The following TECR variants were observed in gnomAD, a reference collection of about 807,000 sequenced individuals.
TECR encodes the protein very-long-chain enoyl-CoA reductase.
A neutral mutation model predicts 50.6 loss-of-function variants in TECR; 19 were observed. That is an observed-to-expected ratio of 0.38 (90% CI 0.26 to 0.55). The LOEUF (loss-of-function observed/expected upper bound fraction) is 0.55. Among genes scored for constraint, TECR ranks in the 20% least tolerant of loss-of-function variants. The pLI, the probability that TECR is intolerant of heterozygous loss-of-function variation, is 0.79. For synonymous variants in TECR, 168 were observed against 163.5 expected, an observed-to-expected ratio of 1.03 and a Z score of -0.21; for missense variants, 313 against 408.3, an observed-to-expected ratio of 0.77 and a Z score of 2.01.
At position 14,564,771 on chromosome 19, in the gene TECR, C is replaced by T. The variant is rs779722244; in HGVS notation, c.490-15C>T. 1.6e-5 allele frequency: 26 copies of T among 1,612,180 alleles called. No individual in the cohort carries two copies. Among genetic ancestry groups the T allele is most frequent in the Non-Finnish European group, 2.2e-5 (26 of 1,178,926 alleles). ...GTGCTGGCCCAAGTCCCATCCCTGC[C>T]CTGCTCCCTTTCAGAACTGCACCTA... is the stretch of plus-strand genomic sequence containing the variant. On this transcript the variant is annotated splice_polypyrimidine_tract_variant and intron_variant, in intron 7 of 12. Transcript: ENST00000215567.
In TECR at chr19:14,543,445, T is replaced by A. The variant is rs1358244995; in HGVS notation, c.15+13734T>A. Among the ~76,000 whole-genome samples, 28 of 57,650 alleles carry A rather than the reference T, an allele frequency of 4.9e-4. 2 individuals are homozygous for A. Among genetic ancestry groups the A allele is most frequent in the Non-Finnish European group, 7.7e-4 (21 of 27,240 alleles). 37.8% of individuals were successfully genotyped at this position (57,650 alleles called of 152,430 possible). ...TTTTTTTTTTTTTTTTTTTTTTTTT[T>A]TTTTTTTTTTTGAGACGGAGTCTCG... On this transcript the variant is annotated intron_variant, in intron 1 of 12. Coordinates refer to ENST00000215567, the MANE Select transcript of TECR (RefSeq NM_138501.6).
intron 1 of TECR, among the ~76,000 whole-genome samples, chr19:14,548,616 C>T (rs146713576): frequency 5.5e-4 from 84 of 152,210 alleles, no homozygotes; most frequent in African/African-American, 2.6e-4. Context: ...TTTGCACTGT[C>T]GCCCAGGCTG....
intron 1 of TECR, among the ~76,000 whole-genome samples, chr19:14,548,598 G>T (rs1449996965): frequency 2.6e-5 from 4 of 152,094 alleles, no homozygotes; most frequent in Non-Finnish European, 5.9e-5. Context: ...TTCTTTTAGA[G>T]ACGGAGTTTT....
intron 1 of TECR, among the ~76,000 whole-genome samples, chr19:14,537,333 G>A (rs1189938056): frequency 1.3e-5 from 2 of 151,688 alleles, no homozygotes; most frequent in Non-Finnish European, 2.9e-5. Context: ...GGGACGGGAT[G>A]AGTGGTGGGC....
chr19:14,559,870 CCT>C (rs1482637091), intron 1 of TECR, among the ~76,000 whole-genome samples: 4 of 152,140 alleles, frequency 2.6e-5, no homozygotes, highest in African/African-American at 9.7e-5. Context: ...GCCTTTCAGT[CCT>C]CTCTCTAGGA....
intron 1 of TECR, among the ~76,000 whole-genome samples, chr19:14,537,206 G>A (rs1404995551): frequency 1.6e-5 from 2 of 127,352 alleles, no homozygotes; most frequent in Admixed American, 8.2e-5. Flanking sequence ...GAGGAGGTGG[G>A]GCTCAGGAGG....
chr19:14,532,046 C>G (rs2072691298), intron 1 of TECR: 1 of 149,876 alleles, frequency 6.7e-6, no homozygotes, highest in African/African-American at 2.5e-5. Context: ...CCATGTCCAG[C>G]TTGAAACATG....
chr19:14,530,100 G>C (rs2072570740), intron 1 of TECR: 1 of 346,012 alleles, frequency 2.9e-6, no homozygotes, highest in Non-Finnish European at 5.6e-6. Context: ...CGTCACCAGC[G>C]TAGGAAGGGG....
At chr19:14,561,065 C>T (rs1042354061) in intron 1 of TECR, among the ~76,000 whole-genome samples, 1 of 152,174 alleles carries the variant, frequency 6.6e-6, no homozygotes, top group African/African-American at 2.4e-5. Flanking sequence ...ACCAAGCCCC[C>T]TTGTCTCCCG....
intron 1 of TECR, among the ~76,000 whole-genome samples, chr19:14,539,140 ATTTTTTTTTTTT>A (rs57801378): frequency 1.0e-3 from 96 of 92,550 alleles, no homozygotes; most frequent in African/African-American, 3.9e-3. Flanking sequence ...CGCCCGGCTA[ATTTTTTTTTTTT>A]TTTTTTTTTT....
intron 1 of TECR, among the ~76,000 whole-genome samples, chr19:14,549,196 C>T (rs1301664891): frequency 1.3e-5 from 2 of 149,742 alleles, no homozygotes; most frequent in African/African-American, 2.5e-5. Context: ...ATTATTTCCA[C>T]AACCTTTAAT....
At chr19:14,551,944 T>C (rs1453047019) in intron 1 of TECR, among the ~76,000 whole-genome samples, 5 of 39,714 alleles carry the variant, frequency 1.3e-4, no homozygotes, top group Non-Finnish European at 1.9e-4. Flanking sequence ...TCTCCCTCCC[T>C]CCCTCTCTCT....
intron 1 of TECR, 146 bp from the exon 2 acceptor site, chr19:14,562,379 G>T (rs1375768368): frequency 3.6e-6 from 3 of 821,984 alleles, no homozygotes; most frequent in Non-Finnish European, 6.2e-6. Context: ...CGAGTGGCAG[G>T]GCTGGTGGCA....
At chr19:14,528,253 T>C (rs961267437), upstream of TECR, among the ~76,000 whole-genome samples, 15 of 100,420 alleles carry the variant, frequency 1.5e-4, no homozygotes, top group African/African-American at 5.6e-4. Context: ...TTCTTTTTTC[T>C]TTTTTTTTTT....
At chr19:14,535,439 G>A (rs554801072) in intron 1 of TECR, among the ~76,000 whole-genome samples, 1 of 142,674 alleles carries the variant, frequency 7.0e-6, no homozygotes, top group Non-Finnish European at 1.5e-5. Context: ...CCCGGGAGGC[G>A]GAGCTTGCAG....
chr19:14,561,109 C>G (rs1189885675), intron 1 of TECR, among the ~76,000 whole-genome samples: 1 of 152,162 alleles, frequency 6.6e-6, no homozygotes, highest in Non-Finnish European at 1.5e-5. Flanking sequence ...GGGTACCCAG[C>G]TTCTCTGGCT....
chr19:14,529,569 AGGGGC>A (rs980459706), upstream of TECR: 1 of 1,441,340 alleles, frequency 6.9e-7, no homozygotes, highest in Non-Finnish European at 9.7e-7. Flanking sequence ...CGCGGCCTGG[AGGGGC>A]GGGGCGGACG....
intron 1 of TECR, among the ~76,000 whole-genome samples, chr19:14,537,604 C>T (rs1209031565): frequency 6.6e-6 from 1 of 152,180 alleles, no homozygotes; most frequent in Non-Finnish European, 1.5e-5. Context: ...TGGTCAAGTT[C>T]AGGCTGGGTC....
chr19:14,553,081 G>C (rs192865363), intron 1 of TECR, among the ~76,000 whole-genome samples: 1 of 152,184 alleles, frequency 6.6e-6, no homozygotes, highest in African/African-American at 2.4e-5. Context: ...ACTTCCCACT[G>C]TGTTTGTCTT....
Sources: allele counts gnomAD v4.1 joint callset (sites outside exome capture counted in the v4.1 genomes callset), GRCh38; gene constraint gnomAD v4.1.1; transcripts MANE v1.5; gene names NCBI Gene and HGNC (gene_info 2026-07-23, HGNC 2026-07-21).